The following ERCC6 variants were observed in gnomAD, a reference collection of about 807,000 sequenced individuals.
ERCC6 encodes DNA excision repair protein ERCC-6.
A neutral mutation model predicts 158.7 loss-of-function variants in ERCC6; 116 were observed. That is an observed-to-expected ratio of 0.73 (90% CI 0.63 to 0.85). The LOEUF (loss-of-function observed/expected upper bound fraction) is 0.85. Ranked by LOEUF, ERCC6 falls within the 40% of genes least tolerant of loss-of-function variation. ERCC6 has a pLI of 0.00. For synonymous variants in ERCC6, 678 were observed against 659.3 expected (o/e 1.03, Z -0.43); for missense variants, 1,698 against 1,799.4 (o/e 0.94, Z 1.02).
chr10:49,498,293 C>A (rs1245463765), intron 7 of ERCC6, among the ~76,000 whole-genome samples: 2 of 152,168 alleles, frequency 1.3e-5, no homozygotes, highest in South Asian at 4.1e-4. Context: ...CAAATTAGGG[C>A]CCCTCTACAG....
chr10:49,474,139 TC>T lies in ERCC6; in HGVS notation c.2485del (p.Glu829LysfsTer13). ...ACGTTTCCAGTACCCAAACTGATCTTCTTCTAGTTCATCATCAGGAAGACCT... is the reference window on the plus strand; with the variant it reads ...ACGTTTCCAGTACCCAAACTGATCTTTTCTAGTTCATCATCAGGAAGACCT... ...LKGLPDDELE[E>X]DQFGYWKRSG... On this transcript the variant is annotated frameshift_variant, in exon 13 of 21. Transcript: ENST00000355832. LOFTEE classifies it high-confidence loss of function. The T allele has an allele frequency of 6.2e-7, 1 of 1,614,152 alleles. No individual in the cohort carries two copies. Among genetic ancestry groups the T allele is most frequent in the Non-Finnish European group, 8.5e-7 (1 of 1,180,016 alleles).
intron 7 of ERCC6, among the ~76,000 whole-genome samples, chr10:49,496,103 G>A (rs758001816): frequency 3.3e-5 from 5 of 152,016 alleles, no homozygotes; most frequent in Non-Finnish European, 5.9e-5. Flanking sequence ...TCCTCCAATC[G>A]ACCTTCACCA....
intron 8 of ERCC6, among the ~76,000 whole-genome samples, chr10:49,485,535 G>A (rs73305578): frequency 0.024 from 3,605 of 152,250 alleles, 153 homozygotes; most frequent in African/African-American, 0.081. Flanking sequence ...AAATGTTACT[G>A]TAATTCCTGT....
At position 49,470,799 on chromosome 10, in the gene ERCC6, T is replaced by C. The variant is rs1590406100; in HGVS notation, c.3161A>G (p.Lys1054Arg). Reference sequence around the variant, plus strand: ...AGATATGTTAGAAGCAGGGAACTTCTTGCGTTTTGGAACATCATGGTCTGC... The same window carrying C: ...AGATATGTTAGAAGCAGGGAACTTCCTGCGTTTTGGAACATCATGGTCTGC... ...FGADHDVPKR[K>R]KFPASNISVN... is the part of the protein sequence containing the mutation. Residue 1054 changes from lysine (K) to arginine (R), a missense_variant, in exon 18 of 21, where the codon AAG becomes AGG. Transcript: ENST00000355832. The C allele has an allele frequency of 6.2e-7, 1 of 1,614,220 alleles. No homozygotes were observed. Among genetic ancestry groups the C allele is most frequent in the South Asian group, 1.1e-5 (1 of 91,086 alleles).
chr10:49,474,751 A>G (rs4253193), intron 12 of ERCC6, among the ~76,000 whole-genome samples: 29,474 of 151,946 alleles, frequency 0.19, 3,285 homozygotes, highest in South Asian at 0.35. Flanking sequence ...ATTATATCAG[A>G]AAAAAAACTG....
intron 5 of ERCC6, among the ~76,000 whole-genome samples, chr10:49,511,351 T>G (rs1249304000): frequency 2.0e-5 from 3 of 152,192 alleles, no homozygotes; most frequent in African/African-American, 7.2e-5. Context: ...CACTTTCATT[T>G]TTTTCTTTAA....
chr10:49,444,725 A>G, the ERCC6 span, among the ~76,000 whole-genome samples: 2 of 152,342 alleles, frequency 1.3e-5, no homozygotes, highest in African/African-American at 4.8e-5. Context: ...TGTGCATGTA[A>G]TTCCTATGTT....
chr10:49,494,763 C>T (rs1227234183), intron 7 of ERCC6, among the ~76,000 whole-genome samples: 1 of 152,154 alleles, frequency 6.6e-6, no homozygotes, highest in Non-Finnish European at 1.5e-5. Context: ...CTTTTCTCTC[C>T]TGGTCTTTCT....
rs1217929134 is a variant in ERCC6, at chr10:49,516,369, A to C, written c.1397+7664T>G. The C allele has an allele frequency of 1.4e-5, 23 of 1,614,056 alleles. No individual in the cohort carries two copies. The highest frequency in any genetic ancestry group is 1.9e-5 in the Non-Finnish European group (22 of 1,180,034). On this transcript the variant is annotated intron_variant, in intron 5 of 20. Transcript: ENST00000355832. Reference sequence around the variant, plus strand: ...GCATCTCTCATTAAGTTTGCTTATGAGAGGTCGCAATTTGGAAAATTTGTC... The same window carrying C: ...GCATCTCTCATTAAGTTTGCTTATGCGAGGTCGCAATTTGGAAAATTTGTC...
chr10:49,489,110 C>A (rs1443573119), intron 8 of ERCC6, among the ~76,000 whole-genome samples: 1 of 152,122 alleles, frequency 6.6e-6, no homozygotes, highest in African/African-American at 2.4e-5. Flanking sequence ...CCACGCCCTG[C>A]ACTTCACTGT....
In ERCC6 at chr10:49,456,739, G is replaced by C. The variant is rs996763445; in HGVS notation, c.*2076C>G. ...ATTTACACTGTACAAAGCTTTTAAA[G>C]TTCTAAAAATCAGATTTTTATCTAA... On this transcript the variant is annotated 3_prime_UTR_variant, in exon 21 of 21. Coordinates refer to ENST00000355832, the MANE Select transcript of ERCC6 (RefSeq NM_000124.4). 6.6e-5 allele frequency: 10 copies of C among 152,126 alleles called. No individual in the cohort carries two copies. In the South Asian group the frequency reaches 1.9e-3, roughly 28 times the overall value. 9.4% of individuals were successfully genotyped at this position (152,126 alleles called of 1,614,324 possible). A position where few individuals can be genotyped will look rare whatever the true frequency, so the allele number is the denominator to read the frequency against.
chr10:49,497,277 G>T (rs1003105961), intron 7 of ERCC6, among the ~76,000 whole-genome samples: 5 of 152,172 alleles, frequency 3.3e-5, no homozygotes, highest in Non-Finnish European at 5.9e-5. Flanking sequence ...ATCCTCCAAG[G>T]GGAATAAAAG....
At chr10:49,515,433 TG>T in intron 5 of ERCC6, 1 of 1,614,214 alleles carries the variant, frequency 6.2e-7, no homozygotes, top group Non-Finnish European at 8.5e-7. Flanking sequence ...GCATCGCGTT[TG>T]CTTTCCCTGT....
chr10:49,506,432 G>A, intron 5 of ERCC6: 1 of 191,684 alleles, frequency 5.2e-6, no homozygotes. Flanking sequence ...TACTATTTCT[G>A]TTCTAAAGAT....
intron 5 of ERCC6, among the ~76,000 whole-genome samples, chr10:49,508,198 CAGA>C (rs1564433019): frequency 6.6e-6 from 1 of 152,162 alleles, no homozygotes; most frequent in Non-Finnish European, 1.5e-5. Flanking sequence ...GATAATTTTA[CAGA>C]AGGAGAAATA....
rs755905226 is a variant in ERCC6 at position 49,530,800 on chromosome 10, C to T, written c.463G>A (p.Glu155Lys). 6.2e-7 allele frequency: 1 copy of T among 1,613,508 alleles called. No individual in the cohort carries two copies. The highest frequency in any genetic ancestry group is 8.5e-7 in the Non-Finnish European group (1 of 1,179,846). ...GTGGCAGCTTGAGGGCTAAGCTGTTCAATAATTTTATTGATTTGCCTTAGG... is the reference window on the plus strand; with the variant it reads ...GTGGCAGCTTGAGGGCTAAGCTGTTTAATAATTTTATTGATTTGCCTTAGG... The part of the protein sequence containing the change: ...TSLRQINKII[E>K]QLSPQAATSR... The change falls in exon 3 of 21, where the codon GAA becomes AAA. Residue 155 changes from glutamate to lysine, a missense_variant. By Grantham distance (56) the Glu-to-Lys change is moderately conservative. Transcript: ENST00000355832.
At chr10:49,472,549 G>A (rs1432610431) in intron 15 of ERCC6, 79 bp from the exon 16 acceptor site, 22 of 1,417,104 alleles carry the variant, frequency 1.6e-5, no homozygotes, top group Non-Finnish European at 2.1e-5. Flanking sequence ...AAAGCTAGCT[G>A]GTCACTACCT....
chr10:49,520,926 AT>A (rs1837141270), intron 5 of ERCC6, among the ~76,000 whole-genome samples: 2 of 152,184 alleles, frequency 1.3e-5, no homozygotes, highest in South Asian at 4.1e-4. Flanking sequence ...AATGCGTAAC[AT>A]TGTTAATTTG....
At chr10:49,520,962 G>A (rs1469878456) in intron 5 of ERCC6, among the ~76,000 whole-genome samples, 1 of 152,128 alleles carries the variant, frequency 6.6e-6, no homozygotes, top group Non-Finnish European at 1.5e-5. Flanking sequence ...TAATATATCT[G>A]AGCCACCCAA....
Sources: gnomAD v4.1 joint callset for allele counts (sites outside exome capture counted in the v4.1 genomes callset) on GRCh38, gnomAD v4.1.1 for gene constraint, MANE v1.5 for transcripts, NCBI Gene and HGNC (gene_info 2026-07-23, HGNC 2026-07-21) for gene names.